GABRA2: variants seen among roughly 807,000 people sequenced by gnomAD.
GABRA2 encodes gamma-aminobutyric acid receptor subunit alpha-2.
In GABRA2, 16 loss-of-function variants were observed where a neutral mutation model predicts 48.7. That is an observed-to-expected ratio of 0.33 (90% CI 0.22 to 0.50). The LOEUF (loss-of-function observed/expected upper bound fraction) is 0.50, where lower values mean the gene tolerates loss of function less well. GABRA2 is among the 20% of genes least tolerant of loss of function. The probability of loss-of-function intolerance (pLI) is 0.98; values close to 1 mark genes in which losing one functional copy is unlikely to be tolerated. For missense variants in GABRA2, 275 were observed against 535.6 expected, an observed-to-expected ratio of 0.51 and a Z score of 4.80; for synonymous variants, 185 against 184.5, an observed-to-expected ratio of 1.00 and a Z score of -0.02.
chr4:46,344,245 C>T (rs568403843), intron 3 of GABRA2, among the ~76,000 whole-genome samples: 1 of 151,942 alleles, frequency 6.6e-6, no homozygotes, highest in African/African-American at 2.4e-5. Context: ...ATCTCAAAGA[C>T]TAGAGATTAG....
At chr4:46,319,844 A>G (rs1002140432) in intron 4 of GABRA2, among the ~76,000 whole-genome samples, 11 of 151,978 alleles carry the variant, frequency 7.2e-5, no homozygotes, top group Middle Eastern at 3.4e-3. Context: ...TATGATTCAT[A>G]GTTATAGTAG....
rs143347297 is a variant in GABRA2, at chr4:46,265,117, C to T, written c.857-2989G>A. 1.7e-4 allele frequency among the ~76,000 whole-genome samples: 26 copies of T among 150,064 alleles called. No individual in the cohort carries two copies. In the East Asian group the frequency reaches 4.5e-3, roughly 26 times the overall value. Reference sequence around the variant, plus strand: ...GTAGTGTGATCTTAGCTCACTGCAACCTGCACCTCCTGGGTTCAAACAATT... The same window carrying T: ...GTAGTGTGATCTTAGCTCACTGCAATCTGCACCTCCTGGGTTCAAACAATT... On this transcript the variant is annotated intron_variant, in intron 8 of 9. Transcript: ENST00000381620.
intron 8 of GABRA2, among the ~76,000 whole-genome samples, chr4:46,281,607 G>T (rs1359045900): frequency 6.6e-6 from 1 of 152,192 alleles, no homozygotes; most frequent in Non-Finnish European, 1.5e-5. Context: ...AAATTGGCCT[G>T]AGATTTGGCC....
In GABRA2 at chr4:46,249,408, G is replaced by T. The variant is rs1463227299; in HGVS notation, c.*900C>A. On this transcript the variant is annotated 3_prime_UTR_variant, in exon 10 of 10. Coordinates refer to ENST00000381620, the MANE Select transcript of GABRA2 (RefSeq NM_000807.4). ...GGGCACCTATGAATTCTCATCAGTG[G>T]GAGTTTTTGGCACAATTTTCTAATC... 1.3e-5 allele frequency: 2 copies of T among 151,236 alleles called. No homozygotes were observed. The highest frequency in any genetic ancestry group is 3.0e-5 in the Non-Finnish European group (2 of 67,622). 9.4% of individuals were successfully genotyped at this position (151,236 alleles called of 1,614,324 possible). A position where few individuals can be genotyped will look rare whatever the true frequency, so the allele number is the denominator to read the frequency against.
At position 46,256,248 on chromosome 4, in the gene GABRA2, T is replaced by C. The variant is rs1715802492; in HGVS notation, c.1060-5644A>G. On this transcript the variant is annotated intron_variant, in intron 9 of 9. Coordinates refer to ENST00000381620, the MANE Select transcript of GABRA2 (RefSeq NM_000807.4). ...ATCCACTTCTCTAAGTACTCTAAAG[T>C]CTTTTCTTGGAATAAACTGGGCCAT... 5 of 695,572 alleles carry C rather than the reference T, an allele frequency of 7.2e-6. No individual in the cohort carries two copies. Among genetic ancestry groups the C allele is most frequent in the South Asian group, 6.0e-5 (4 of 66,804 alleles). 43.1% of individuals were successfully genotyped at this position (695,572 alleles called of 1,614,324 possible). A position where few individuals can be genotyped will look rare whatever the true frequency, so the allele number is the denominator to read the frequency against.
At chr4:46,322,385 C>T (rs764443482) in intron 4 of GABRA2, among the ~76,000 whole-genome samples, 1 of 151,902 alleles carries the variant, frequency 6.6e-6, no homozygotes, top group Non-Finnish European at 1.5e-5. Context: ...TCACAGCCTC[C>T]AAGGCCCTGC....
chr4:46,256,839 A>AT (rs1715934573), intron 9 of GABRA2, among the ~76,000 whole-genome samples: 2 of 151,738 alleles, frequency 1.3e-5, no homozygotes, highest in African/African-American at 4.8e-5. Context: ...TTTTCTATGA[A>AT]TTAAATAAAA....
intron 6 of GABRA2, 84 bp from the exon 7 acceptor site, chr4:46,305,795 C>T: frequency 1.0e-6 from 1 of 960,912 alleles, no homozygotes; most frequent in East Asian, 2.5e-5. Flanking sequence ...GTATTTCATA[C>T]AATCACTATA....
chr4:46,269,741 A>G (rs1235557989), intron 8 of GABRA2, among the ~76,000 whole-genome samples: 1 of 151,916 alleles, frequency 6.6e-6, no homozygotes, highest in Non-Finnish European at 1.5e-5. Context: ...TTACTATTGT[A>G]AAATGAAATA....
At chr4:46,259,137 A>G (rs904645536) in intron 9 of GABRA2, among the ~76,000 whole-genome samples, 2 of 151,868 alleles carry the variant, frequency 1.3e-5, no homozygotes, top group African/African-American at 4.8e-5. Context: ...CTAATGGAAC[A>G]GGTTTGAGAA....
At chr4:46,378,649 G>A (rs1716320263) in intron 3 of GABRA2, among the ~76,000 whole-genome samples, 1 of 142,792 alleles carries the variant, frequency 7.0e-6, no homozygotes, top group African/African-American at 2.7e-5. Context: ...ACCCAAGAAT[G>A]ATCAATTAAA....
intron 3 of GABRA2, among the ~76,000 whole-genome samples, chr4:46,374,008 T>A (rs577697735): frequency 2.0e-5 from 3 of 152,306 alleles, no homozygotes; most frequent in African/African-American, 7.2e-5. Flanking sequence ...CTTGCAAACC[T>A]AAGTGGCATT....
At chr4:46,382,673 A>T (rs1716921416) in intron 3 of GABRA2, among the ~76,000 whole-genome samples, 1 of 152,164 alleles carries the variant, frequency 6.6e-6, no homozygotes, top group African/African-American at 2.4e-5. Context: ...AATCTTTGTC[A>T]TATAAATGAA....
At chr4:46,267,849 G>A (rs896792237) in intron 8 of GABRA2, among the ~76,000 whole-genome samples, 1 of 151,940 alleles carries the variant, frequency 6.6e-6, no homozygotes, top group African/African-American at 2.4e-5. Context: ...TCCAAAATCT[G>A]AAATGTTTCA....
chr4:46,252,951 T>C (rs997824429), intron 9 of GABRA2, among the ~76,000 whole-genome samples: 1 of 151,444 alleles, frequency 6.6e-6, no homozygotes, highest in Non-Finnish European at 1.5e-5. Flanking sequence ...GAAACATATA[T>C]TCTCCTAGTG....
chr4:46,298,351 A>C (rs1377701640), intron 8 of GABRA2, among the ~76,000 whole-genome samples: 1 of 150,924 alleles, frequency 6.6e-6, no homozygotes, highest in East Asian at 1.9e-4. Context: ...GTGTTCTTTT[A>C]AAACTCTTAA....
chr4:46,384,288 C>A (rs1026749300), intron 3 of GABRA2, among the ~76,000 whole-genome samples: 1 of 152,130 alleles, frequency 6.6e-6, no homozygotes, highest in Non-Finnish European at 1.5e-5. Context: ...GAAGACTGAC[C>A]TGACTGTGAG....
intron 3 of GABRA2, among the ~76,000 whole-genome samples, chr4:46,352,814 T>C (rs772049652): frequency 6.6e-6 from 1 of 152,194 alleles, no homozygotes; most frequent in Non-Finnish European, 1.5e-5. Flanking sequence ...CTTTGGAGAA[T>C]GTCTATGGTA....
chr4:46,313,124 TA>T (rs1727937405), intron 4 of GABRA2, among the ~76,000 whole-genome samples: 2 of 124,510 alleles, frequency 1.6e-5, no homozygotes, highest in Non-Finnish European at 3.2e-5. Context: ...AGCAAATAAA[TA>T]AATAAATAAA....
Sources: allele counts gnomAD v4.1 joint callset (sites outside exome capture counted in the v4.1 genomes callset), GRCh38; gene constraint gnomAD v4.1.1; transcripts MANE v1.5; gene names NCBI Gene and HGNC (gene_info 2026-07-23, HGNC 2026-07-21).